Variants in ZNF682 observed in about 807,000 individuals in gnomAD.
ZNF682 encodes zinc finger protein 682.
In ZNF682, 29 loss-of-function variants were observed where a neutral mutation model predicts 36.5. The ratio of observed to expected loss-of-function variants is 0.80; its 90% CI spans 0.59 to 1.08. The LOEUF is 1.08. Ranked by LOEUF, ZNF682 falls within the 50% of genes least tolerant of loss-of-function variation. ZNF682 has a pLI of 0.00. For missense variants in ZNF682, 561 were observed against 579.7 expected (o/e 0.97, Z 0.33); for synonymous variants, 180 against 197.0 (o/e 0.91, Z 0.72).
intron 3 of ZNF682, 48 bp downstream of exon 3, chr19:20,022,956 G>A: frequency 1.3e-6 from 2 of 1,500,786 alleles, no homozygotes; most frequent in East Asian, 2.3e-5. Flanking sequence ...TTCCTTCTTG[G>A]CCTTTGGAGC....
chr19:20,018,341 G>A (rs186121057), intron 3 of ZNF682, among the ~76,000 whole-genome samples: 22 of 151,918 alleles, frequency 1.4e-4, no homozygotes, highest in Admixed American at 3.3e-4. Flanking sequence ...TGATCCGCCC[G>A]CCTCGGCCTC....
At chr19:20,003,305 T>C (rs1302437987), downstream of ZNF682, among the ~76,000 whole-genome samples, 1 of 151,382 alleles carries the variant, frequency 6.6e-6, no homozygotes, top group Admixed American at 6.6e-5. Flanking sequence ...ACATATTTAC[T>C]ATGAAATTAC....
chr19:20,039,180 C>G lies in ZNF682; in HGVS notation c.3+163G>C, dbSNP rs534891193. 9.6e-5 allele frequency: 133 copies of G among 1,383,560 alleles called. 2 individuals are homozygous for G. The South Asian group carries it at 2.1e-3, about 22-fold the overall frequency. 85.7% of individuals were successfully genotyped at this position (1,383,560 alleles called of 1,614,324 possible). On this transcript the variant is annotated intron_variant, in intron 1 of 3. Transcript: ENST00000397165. ...TCCCGGCTGCTGGCCCACCTCGCAT[C>G]CTGTGCCCGGAGGTGATCGACGGCC...
chr19:20,006,087 T>C lies in ZNF682; in HGVS notation c.1415A>G (p.Lys472Arg). ...GGATTTCTCTCCTCTTTGAACTCTC[T>C]TATGTTCATTAAGATGTGAGCACCG... The part of the protein sequence containing the change: ...FKRCSHLNEH[K>R]RVQRGEKSCK... Residue 472 changes from lysine (K) to arginine (R), a missense_variant, in exon 4 of 4, where the codon AAG (lysine) becomes AGG (arginine). By Grantham distance (26) the Lys-to-Arg change is conservative (BLOSUM62 2). Transcript: ENST00000397165. 1 of 1,614,062 alleles carries C rather than the reference T, an allele frequency of 6.2e-7. No individual in the cohort carries two copies. The highest frequency in any genetic ancestry group is 8.5e-7 in the Non-Finnish European group (1 of 1,179,982).
chr19:20,005,888 C>A lies in ZNF682; in HGVS notation c.*117G>T, dbSNP rs1185500623. 3.0e-6 allele frequency: 3 copies of A among 1,015,272 alleles called. No individual in the cohort carries two copies. In the East Asian group the frequency reaches 7.4e-5, roughly 25 times the overall value. The allele number at this position is 1,015,272 out of a possible 1,614,324, so 62.9% of individuals were successfully genotyped here. A position where few individuals can be genotyped will look rare whatever the true frequency, so the allele number is the denominator to read the frequency against. ...GGTTGAAGACTTTCCCCACATTCTT[C>A]ACATTTGTAGTGTTTCTCTCCAGTA... On this transcript the variant is annotated 3_prime_UTR_variant, in exon 4 of 4. Transcript: ENST00000397165.
chr19:20,025,998 T>G (rs2088428103), intron 1 of ZNF682, among the ~76,000 whole-genome samples: 1 of 152,132 alleles, frequency 6.6e-6, no homozygotes, highest in Admixed American at 6.5e-5. Context: ...TCTTTAAATG[T>G]GCATTTTTAA....
chr19:20,008,668 G>A (rs1420652409), intron 3 of ZNF682, among the ~76,000 whole-genome samples: 1 of 152,146 alleles, frequency 6.6e-6, no homozygotes, highest in Non-Finnish European at 1.5e-5. Flanking sequence ...CTAAGGAAGG[G>A]TAAGCACAGA....
intron 3 of ZNF682, chr19:19,997,277 G>A (rs996555631): frequency 7.5e-6 from 3 of 398,484 alleles, no homozygotes; most frequent in Non-Finnish European, 1.3e-5. Flanking sequence ...AAATGGAAAT[G>A]AGCTATGTCC....
At chr19:20,015,401 T>C (rs2088326333) in intron 3 of ZNF682, 1 of 984,904 alleles carries the variant, frequency 1.0e-6, no homozygotes, top group East Asian at 1.1e-4. Context: ...GATTCATATC[T>C]GACTTTTGCC....
downstream of ZNF682, among the ~76,000 whole-genome samples, chr19:20,003,104 T>C (rs1176109921): frequency 1.5e-5 from 2 of 132,080 alleles, no homozygotes; most frequent in Non-Finnish European, 3.1e-5. Context: ...GGCAGGAGAA[T>C]GGCGTGCACC....
intron 3 of ZNF682, among the ~76,000 whole-genome samples, chr19:20,014,155 A>T (rs1207458123): frequency 6.6e-6 from 1 of 152,346 alleles, no homozygotes; most frequent in East Asian, 1.9e-4. Flanking sequence ...ATCTCAAGAG[A>T]CCATGAAGAG....
chr19:20,010,840 G>A (rs1014374665), intron 3 of ZNF682, among the ~76,000 whole-genome samples: 2 of 149,910 alleles, frequency 1.3e-5, no homozygotes, highest in African/African-American at 4.9e-5. Context: ...TGGTGTGCAC[G>A]TGTAGTCCCA....
At chr19:20,036,676 AG>A (rs1329403022) in intron 1 of ZNF682, among the ~76,000 whole-genome samples, 2 of 150,926 alleles carry the variant, frequency 1.3e-5, no homozygotes, top group Non-Finnish European at 2.9e-5. Context: ...TACATATAAA[AG>A]TTTTCTAGGC....
At chr19:20,007,401 C>G in intron 3 of ZNF682, 126 bp from the exon 4 acceptor site, 1 of 864,528 alleles carries the variant, frequency 1.2e-6, no homozygotes, top group South Asian at 2.1e-5. Context: ...CTGGGAAACA[C>G]TCACTCCAAG....
At chr19:19,999,131 C>T (rs1029010953) in intron 3 of ZNF682, among the ~76,000 whole-genome samples, 2 of 152,124 alleles carry the variant, frequency 1.3e-5, no homozygotes, top group Non-Finnish European at 2.9e-5. Context: ...AGAGTCATCA[C>T]CAGAGCTCAG....
chr19:20,012,110 T>TA (rs2088294326), intron 3 of ZNF682, among the ~76,000 whole-genome samples: 5 of 151,972 alleles, frequency 3.3e-5, no homozygotes, highest in Admixed American at 1.3e-4. Flanking sequence ...GGAGGGTTTA[T>TA]AGTGCTAAAC....
At chr19:20,034,130 A>T (rs2088505139) in intron 1 of ZNF682, 1 of 152,548 alleles carries the variant, frequency 6.6e-6, no homozygotes, top group Non-Finnish European at 1.5e-5. Flanking sequence ...AGCAAGAAAA[A>T]ATTCCCCCCA....
In ZNF682 at chr19:20,015,906, C is replaced by T. The variant is rs749444893; in HGVS notation, c.226+7098G>A. The T allele has an allele frequency of 3.3e-5, 13 of 395,920 alleles. 1 individual carries two copies. The South Asian group carries it at 3.9e-4, about 12-fold the overall frequency. 24.5% of individuals were successfully genotyped at this position (395,920 alleles called of 1,614,324 possible). On this transcript the variant is annotated intron_variant, in intron 3 of 3. Coordinates refer to ENST00000397165, the MANE Select transcript of ZNF682 (RefSeq NM_033196.3). ...AGAACAATATAAATATTGTAAAATA[C>T]GGTATAAAACACTGATTATGAATTA...
At chr19:20,020,843 T>C (rs925150828) in intron 3 of ZNF682, among the ~76,000 whole-genome samples, 2 of 152,198 alleles carry the variant, frequency 1.3e-5, no homozygotes, top group African/African-American at 4.8e-5. Flanking sequence ...CTCAGCTCTA[T>C]GGGTAATCTA....
Sources: gnomAD v4.1 joint callset for allele counts (sites outside exome capture counted in the v4.1 genomes callset) on GRCh38, gnomAD v4.1.1 for gene constraint, MANE v1.5 for transcripts, NCBI Gene and HGNC (gene_info 2026-07-23, HGNC 2026-07-21) for gene names.